The following RPS6KC1 variants were observed in gnomAD, a reference collection of about 807,000 sequenced individuals.
RPS6KC1 encodes ribosomal protein S6 kinase C1.
RPS6KC1 carries 54 observed loss-of-function variants against 103.8 expected under a neutral mutation model. That is an observed-to-expected ratio of 0.52 (90% confidence interval 0.42 to 0.65). The LOEUF (loss-of-function observed/expected upper bound fraction) is 0.65. RPS6KC1 is among the 30% of genes least tolerant of loss of function. The pLI is 0.00. For missense variants in RPS6KC1, 1,151 were observed against 1,253.8 expected, an observed-to-expected ratio of 0.92 and a Z score of 1.24; for synonymous variants, 439 against 438.7, an observed-to-expected ratio of 1.00 and a Z score of -0.01.
chr1:213,571,353 G>A, the RPS6KC1 span, among the ~76,000 whole-genome samples: 1 of 152,180 alleles, frequency 6.6e-6, no homozygotes, highest in Non-Finnish European at 1.5e-5. Context: ...GGAAGGGAAG[G>A]GGCTATGATA....
chr1:213,138,771 A>G (rs564314682), intron 6 of RPS6KC1, among the ~76,000 whole-genome samples: 1 of 152,264 alleles, frequency 6.6e-6, no homozygotes, highest in South Asian at 2.1e-4. Flanking sequence ...ATGGGCATCT[A>G]GCTTGATTCC....
At chr1:213,601,986 C>CTCTCTT in the RPS6KC1 span, among the ~76,000 whole-genome samples, 336 of 31,030 alleles carry the variant, frequency 0.011, 47 homozygotes, top group Middle Eastern at 0.062. Flanking sequence ...CTTCCTCTCT[C>CTCTCTT]TCTTTCTTTC....
At chr1:213,585,048 G>C in the RPS6KC1 span, among the ~76,000 whole-genome samples, 1 of 152,186 alleles carries the variant, frequency 6.6e-6, no homozygotes, top group African/African-American at 2.4e-5. Context: ...ATCACTTGCT[G>C]TGTAACCTTG....
chr1:213,568,744 G>A, the RPS6KC1 span, among the ~76,000 whole-genome samples: 1 of 152,214 alleles, frequency 6.6e-6, no homozygotes, highest in South Asian at 2.1e-4. Flanking sequence ...AAATAATGAT[G>A]CCTGCATTCA....
chr1:213,852,310 G>T, the RPS6KC1 span, among the ~76,000 whole-genome samples: 1 of 151,918 alleles, frequency 6.6e-6, no homozygotes, highest in Non-Finnish European at 1.5e-5. Context: ...TGTTCTTGTC[G>T]CAGAAAATTT....
chr1:213,330,128 A>G, the RPS6KC1 span, among the ~76,000 whole-genome samples: 2 of 152,296 alleles, frequency 1.3e-5, no homozygotes, highest in African/African-American at 4.8e-5. Context: ...TAAACAGCTC[A>G]AAGAAAAAGA....
chr1:213,238,555 G>T (rs922222495), intron 10 of RPS6KC1, among the ~76,000 whole-genome samples: 58 of 152,280 alleles, frequency 3.8e-4, no homozygotes, highest in African/African-American at 1.4e-3. Context: ...AGGGTAGAGT[G>T]ATACAAGAGG....
At chr1:213,728,948 G>GTTTTTTTTTTTT in the RPS6KC1 span, among the ~76,000 whole-genome samples, 5 of 91,292 alleles carry the variant, frequency 5.5e-5, 1 homozygote, top group Non-Finnish European at 1.0e-4. Flanking sequence ...TTTTTTTTTT[G>GTTTTTTTTTTTT]TTTTTTTTTT....
chr1:213,817,852 G>C, the RPS6KC1 span: 3 of 151,768 alleles, frequency 2.0e-5, no homozygotes, highest in Non-Finnish European at 4.4e-5. Flanking sequence ...CAAGTCTGTT[G>C]GTGCCATTTT....
At chr1:213,621,962 T>A in the RPS6KC1 span, among the ~76,000 whole-genome samples, 1 of 152,274 alleles carries the variant, frequency 6.6e-6, no homozygotes, top group South Asian at 2.1e-4. Context: ...CTGTTTGGGA[T>A]CACTGTGTTA....
rs373828089 is a variant in RPS6KC1 at position 213,066,761 on chromosome 1, G to T, written c.106-4245G>T. Among the ~76,000 whole-genome samples the T allele has an allele frequency of 2.0e-5, 3 of 152,326 alleles. No individual in the cohort carries two copies. The East Asian group carries it at 5.8e-4, about 29-fold the overall frequency. The stretch of plus-strand genomic sequence containing the variant: ...TATGGGAAAACAGGAACTACAGAGG[G>T]TTAAGGAAGCAATTGTGATGGATGA... On this transcript the variant is annotated intron_variant, in intron 1 of 14. Coordinates refer to ENST00000366960, the MANE Select transcript of RPS6KC1 (RefSeq NM_012424.6).
At chr1:213,062,854 A>G (rs552537797) in intron 1 of RPS6KC1, among the ~76,000 whole-genome samples, 21 of 152,286 alleles carry the variant, frequency 1.4e-4, no homozygotes, top group African/African-American at 4.8e-4. Context: ...CATCCGGGCA[A>G]GAGAGTGCTT....
At chr1:213,518,299 A>G in the RPS6KC1 span, among the ~76,000 whole-genome samples, 2 of 152,230 alleles carry the variant, frequency 1.3e-5, no homozygotes, top group South Asian at 2.1e-4. Context: ...AGTTCTCAAG[A>G]TGAGATCATC....
chr1:213,420,232 A>G, the RPS6KC1 span, among the ~76,000 whole-genome samples: 2 of 152,188 alleles, frequency 1.3e-5, no homozygotes, highest in Non-Finnish European at 2.9e-5. Context: ...TGCTCTGTTT[A>G]AACCCATGTG....
the RPS6KC1 span, among the ~76,000 whole-genome samples, chr1:213,309,736 G>C: frequency 6.6e-6 from 1 of 152,206 alleles, no homozygotes; most frequent in Non-Finnish European, 1.5e-5. Context: ...ACAGGCTGGA[G>C]TGCAATGGTG....
chr1:213,286,594 G>C, the RPS6KC1 span, among the ~76,000 whole-genome samples: 1 of 152,202 alleles, frequency 6.6e-6, no homozygotes, highest in African/African-American at 2.4e-5. Flanking sequence ...AGGGATTCAA[G>C]CATTTATCCT....
chr1:213,677,101 A>C, the RPS6KC1 span, among the ~76,000 whole-genome samples: 1 of 152,224 alleles, frequency 6.6e-6, no homozygotes, highest in African/African-American at 2.4e-5. Flanking sequence ...CCAGAGAATG[A>C]AAATGACAAC....
At chr1:213,753,256 G>A in the RPS6KC1 span, among the ~76,000 whole-genome samples, 1 of 152,172 alleles carries the variant, frequency 6.6e-6, no homozygotes, top group Non-Finnish European at 1.5e-5. Flanking sequence ...TATGTTAGGG[G>A]TAAAATAGGA....
At chr1:213,544,904 G>T in the RPS6KC1 span, among the ~76,000 whole-genome samples, 4 of 152,158 alleles carry the variant, frequency 2.6e-5, no homozygotes, top group Admixed American at 6.5e-5. Context: ...AGAAGAATGT[G>T]GCCAGTTCAT....
Sources: allele counts gnomAD v4.1 joint callset (sites outside exome capture counted in the v4.1 genomes callset), GRCh38; gene constraint gnomAD v4.1.1; transcripts MANE v1.5; gene names NCBI Gene and HGNC (gene_info 2026-07-23, HGNC 2026-07-21).